GALNT14: variants seen among roughly 807,000 people sequenced by gnomAD.
GALNT14 encodes polypeptide N-acetylgalactosaminyltransferase 14.
A neutral mutation model predicts 77.5 loss-of-function variants in GALNT14; 60 were observed. That is an observed-to-expected ratio of 0.77 (90% CI 0.63 to 0.96). The LOEUF is 0.96. Among genes scored for constraint, GALNT14 ranks in the 40% least tolerant of loss-of-function variants. GALNT14 has a pLI of 0.00. For missense variants in GALNT14, 710 were observed against 731.0 expected, an observed-to-expected ratio of 0.97 and a Z score of 0.33; for synonymous variants, 280 against 281.7, an observed-to-expected ratio of 0.99 and a Z score of 0.06.
chr2:30,958,514 A>T, intron 3 of GALNT14, 50 bp from the exon 4 acceptor site: 1 of 1,446,708 alleles, frequency 6.9e-7, no homozygotes, highest in Non-Finnish European at 9.7e-7. Flanking sequence ...GTGGCAAAAT[A>T]TATGTACTAA....
chr2:30,912,463 G>T, intron 13 of GALNT14, 121 bp from the exon 14 acceptor site: 2 of 1,105,240 alleles, frequency 1.8e-6, no homozygotes, highest in Non-Finnish European at 2.6e-6. Context: ...GGTCCCAGTA[G>T]GCAATGATCA....
At chr2:30,996,435 A>G (rs1670034303) in intron 1 of GALNT14, among the ~76,000 whole-genome samples, 1 of 152,204 alleles carries the variant, frequency 6.6e-6, no homozygotes, top group Non-Finnish European at 1.5e-5. Flanking sequence ...GTGGGAAGGG[A>G]CGCTGGAACT....
chr2:31,018,017 C>A (rs1671485143), intron 1 of GALNT14, among the ~76,000 whole-genome samples: 1 of 152,202 alleles, frequency 6.6e-6, no homozygotes, highest in Non-Finnish European at 1.5e-5. Flanking sequence ...CCACTCATTT[C>A]CCGAGTACGG....
At chr2:30,960,493 A>AT (rs1205141963) in intron 3 of GALNT14, among the ~76,000 whole-genome samples, 2 of 152,232 alleles carry the variant, frequency 1.3e-5, no homozygotes, top group East Asian at 3.8e-4. Context: ...CAGAAAAGAA[A>AT]AAAAAAAGAA....
chr2:30,895,463 C>G, the GALNT14 span, among the ~76,000 whole-genome samples: 1,204 of 152,328 alleles, frequency 7.9e-3, 4 homozygotes, highest in Non-Finnish European at 0.014. Context: ...CAGAAAGCAA[C>G]TCCTTGAGCA....
At chr2:30,932,513 G>C (rs1665800706) in intron 9 of GALNT14, among the ~76,000 whole-genome samples, 1 of 152,244 alleles carries the variant, frequency 6.6e-6, no homozygotes, top group South Asian at 2.1e-4. Flanking sequence ...AGCCTTGGGG[G>C]CACTAAGAGA....
In GALNT14 at chr2:31,107,850, T is replaced by C. The variant is rs114008216; in HGVS notation, c.129+30108A>G. On this transcript the variant is annotated intron_variant, in intron 1 of 14. Coordinates refer to ENST00000349752, the MANE Select transcript of GALNT14 (RefSeq NM_024572.4). ...GGTGCTGATGATTTCACCTCGGTCC[T>C]GTTTCTCCTTTAACTTTCCCCTAAA... is the stretch of plus-strand genomic sequence containing the variant. 5.1e-3 allele frequency among the ~76,000 whole-genome samples: 781 copies of C among 152,304 alleles called. 4 individuals are homozygous for C. Among genetic ancestry groups the C allele is most frequent in the African/African-American group, 0.017 (707 of 41,566 alleles).
chr2:31,072,526 G>A (rs1370287786), intron 1 of GALNT14, among the ~76,000 whole-genome samples: 2 of 151,744 alleles, frequency 1.3e-5, no homozygotes, highest in Non-Finnish European at 2.9e-5. Flanking sequence ...GGTTTGCTTG[G>A]AAAATTCTGC....
At chr2:31,087,862 G>T (rs961007716) in intron 1 of GALNT14, among the ~76,000 whole-genome samples, 1 of 152,182 alleles carries the variant, frequency 6.6e-6, no homozygotes, top group African/African-American at 2.4e-5. Context: ...CCTCTGGGAG[G>T]TGATAAGGTC....
At chr2:30,897,181 A>G in the GALNT14 span, among the ~76,000 whole-genome samples, 3 of 152,064 alleles carry the variant, frequency 2.0e-5, no homozygotes, top group Admixed American at 1.3e-4. Context: ...CTCTGAGAAA[A>G]GGCCTGCCCT....
chr2:31,123,567 C>CA (rs1015401077), intron 1 of GALNT14, among the ~76,000 whole-genome samples: 3 of 152,092 alleles, frequency 2.0e-5, no homozygotes, highest in African/African-American at 4.8e-5. Flanking sequence ...ATGCTTCTTT[C>CA]AAAAAAATCA....
intron 8 of GALNT14, among the ~76,000 whole-genome samples, chr2:30,944,078 T>G (rs139334501): frequency 3.0e-4 from 45 of 152,196 alleles, no homozygotes; most frequent in African/African-American, 1.1e-3. Flanking sequence ...TCCATACACT[T>G]CTTATCCTCC....
rs58852483 is a variant in GALNT14 at position 31,103,490 on chromosome 2, A to AAC, written c.129+34466_129+34467dup. Among the ~76,000 whole-genome samples, 855 of 150,190 alleles carry AAC rather than the reference A, an allele frequency of 5.7e-3. 6 individuals are homozygous for AAC. The highest frequency in any genetic ancestry group is 0.018 in the African/African-American group (726 of 40,896). Reference sequence around the variant, plus strand: ...GGCAGCTGCGTATAGAGAAGAAGGAAACACACACACACACACACATTACAT... The same window carrying AAC: ...GGCAGCTGCGTATAGAGAAGAAGGAAACACACACACACACACACACATTACAT... On this transcript the variant is annotated intron_variant, in intron 1 of 14. Coordinates refer to ENST00000349752, the MANE Select transcript of GALNT14 (RefSeq NM_024572.4).
chr2:30,919,739 T>C (rs944310170), intron 13 of GALNT14, among the ~76,000 whole-genome samples: 2 of 152,138 alleles, frequency 1.3e-5, no homozygotes, highest in Non-Finnish European at 2.9e-5. Context: ...AGGGGGACCA[T>C]TTAGTTGGGA....
intron 1 of GALNT14, among the ~76,000 whole-genome samples, chr2:31,035,059 T>C (rs1381031516): frequency 2.0e-5 from 3 of 152,208 alleles, no homozygotes; most frequent in Admixed American, 1.3e-4. Context: ...TTAGAAGATA[T>C]AGTCTGCTCT....
At chr2:31,098,293 A>G (rs1677094714) in intron 1 of GALNT14, among the ~76,000 whole-genome samples, 1 of 152,128 alleles carries the variant, frequency 6.6e-6, no homozygotes, top group African/African-American at 2.4e-5. Context: ...TCTATCCTTC[A>G]TGGCTTATTA....
intron 1 of GALNT14, among the ~76,000 whole-genome samples, chr2:31,069,472 T>C (rs186778265): frequency 6.6e-6 from 1 of 152,354 alleles, no homozygotes; most frequent in African/African-American, 2.4e-5. Flanking sequence ...GAAACACTGT[T>C]ATAATCCCCA....
At chr2:31,110,126 T>G (rs72795219) in intron 1 of GALNT14, among the ~76,000 whole-genome samples, 2,468 of 152,234 alleles carry the variant, frequency 0.016, 34 homozygotes, top group South Asian at 0.054. Flanking sequence ...CAAAAACTGG[T>G]TTAATTTCTA....
chr2:30,918,430 C>A (rs1266980944), intron 13 of GALNT14, among the ~76,000 whole-genome samples: 1 of 152,194 alleles, frequency 6.6e-6, no homozygotes, highest in Admixed American at 6.5e-5. Context: ...ATACCTATCC[C>A]AGAGTGGTGC....
Sources: allele counts gnomAD v4.1 joint callset (sites outside exome capture counted in the v4.1 genomes callset), GRCh38; gene constraint gnomAD v4.1.1; transcripts MANE v1.5; gene names NCBI Gene and HGNC (gene_info 2026-07-23, HGNC 2026-07-21).